The following GRAMD4 variants were observed in gnomAD, a reference collection of about 807,000 sequenced individuals.
GRAMD4 encodes the protein GRAM domain-containing protein 4.
In GRAMD4, 25 loss-of-function variants were observed where a neutral mutation model predicts 83.9. The ratio of observed to expected loss-of-function variants is 0.30; its 90% CI spans 0.22 to 0.42. GRAMD4 has a LOEUF of 0.42. GRAMD4 is among the 10% of genes least tolerant of loss of function. The pLI, the probability that GRAMD4 is intolerant of heterozygous loss-of-function variation, is 1.00. For missense variants in GRAMD4, 593 were observed against 788.7 expected, an observed-to-expected ratio of 0.75 and a Z score of 2.97; for synonymous variants, 336 against 320.9, an observed-to-expected ratio of 1.05 and a Z score of -0.50.
chr22:46,580,547 C>T (rs6008921), intron 1 of GRAMD4, among the ~76,000 whole-genome samples: 4,054 of 152,286 alleles, frequency 0.027, 201 homozygotes, highest in African/African-American at 0.093. Context: ...CCCAGCCCAG[C>T]GGGTGGGGCC....
intron 2 of GRAMD4, 152 bp downstream of exon 2, chr22:46,627,113 C>A: frequency 1.6e-6 from 1 of 608,560 alleles, no homozygotes; most frequent in Non-Finnish European, 2.9e-6. Context: ...GCTCCCGACC[C>A]CTGCAGACCT....
At chr22:46,626,519 G>GGC (rs1300903177) in intron 1 of GRAMD4, among the ~76,000 whole-genome samples, 1 of 152,236 alleles carries the variant, frequency 6.6e-6, no homozygotes, top group Non-Finnish European at 1.5e-5. Flanking sequence ...ATGGGTGCAG[G>GGC]GCGGGGGTCT....
At chr22:46,675,933 G>A (rs576313790) in intron 17 of GRAMD4, among the ~76,000 whole-genome samples, 24 of 152,318 alleles carry the variant, frequency 1.6e-4, no homozygotes, top group South Asian at 6.2e-4. Flanking sequence ...GGTCGCGCCC[G>A]CTCTGGGCAT....
chr22:46,677,117 T>C, intron 18 of GRAMD4, 30 bp from the exon 19 acceptor site: 5 of 1,610,170 alleles, frequency 3.1e-6, no homozygotes, highest in Non-Finnish European at 4.2e-6. Flanking sequence ...GGCTGTGCCA[T>C]GCTCACTGGT....
intron 1 of GRAMD4, among the ~76,000 whole-genome samples, chr22:46,598,201 C>T (rs764457550): frequency 2.6e-5 from 4 of 152,056 alleles, no homozygotes; most frequent in Non-Finnish European, 5.9e-5. Flanking sequence ...AGGCTGGTCT[C>T]AAACTCCTGG....
intron 16 of GRAMD4, among the ~76,000 whole-genome samples, chr22:46,674,972 G>A (rs538568329): frequency 2.0e-5 from 3 of 152,332 alleles, no homozygotes; most frequent in South Asian, 2.1e-4. Context: ...TCAGGCTGGC[G>A]GGGATGCTGT....
chr22:46,666,768 C>T, intron 9 of GRAMD4, 57 bp from the exon 10 acceptor site: 1 of 1,454,882 alleles, frequency 6.9e-7, no homozygotes, highest in Non-Finnish European at 9.7e-7. Flanking sequence ...CGATTCGATG[C>T]CTTCCCCTGA....
intron 1 of GRAMD4, among the ~76,000 whole-genome samples, chr22:46,597,731 T>C (rs1233421737): frequency 1.3e-5 from 2 of 152,212 alleles, no homozygotes; most frequent in Non-Finnish European, 2.9e-5. Context: ...CCTCGTGATC[T>C]GCCCGCTTCG....
At chr22:46,576,593 G>A (rs2081044037), upstream of GRAMD4, among the ~76,000 whole-genome samples, 1 of 152,210 alleles carries the variant, frequency 6.6e-6, no homozygotes, top group African/African-American at 2.4e-5. Context: ...AGTCTAGCGG[G>A]GTTCGTGCTG....
In GRAMD4 at chr22:46,663,164, C is replaced by T. The variant is rs1221162546; in HGVS notation, c.591C>T (p.Ser197=). ...CTGTGGAGACAGAGGAACCCCTGAG[C>T]GCCCGCAGGTAGGGGTTCGCCGAGC... ...ENTVETEEPL[S]ARRLTENMRR... Residue 197 remains serine, a synonymous_variant, in exon 6 of 19, where the codon AGC becomes AGT. Coordinates refer to ENST00000406902, the MANE Select transcript of GRAMD4 (RefSeq NM_015124.5). 1.9e-5 allele frequency: 30 copies of T among 1,610,940 alleles called. No individual in the cohort carries two copies. The East Asian group carries it at 5.1e-4, about 28-fold the overall frequency.
At chr22:46,582,736 G>A (rs1033645437) in intron 1 of GRAMD4, among the ~76,000 whole-genome samples, 6 of 152,250 alleles carry the variant, frequency 3.9e-5, no homozygotes, top group South Asian at 4.1e-4. Context: ...GTTTGTCAGC[G>A]TCTTTATTGA....
At chr22:46,629,662 G>A (rs1461131402) in intron 2 of GRAMD4, among the ~76,000 whole-genome samples, 5 of 152,180 alleles carry the variant, frequency 3.3e-5, no homozygotes, top group Admixed American at 6.5e-5. Context: ...TATTCCCACC[G>A]GGTATACAGT....
intron 3 of GRAMD4, among the ~76,000 whole-genome samples, chr22:46,646,628 T>C (rs1601626955): frequency 6.6e-6 from 1 of 152,192 alleles, no homozygotes; most frequent in South Asian, 2.1e-4. Flanking sequence ...CAGGCTTAGG[T>C]GTGGGGTTGA....
intron 1 of GRAMD4, among the ~76,000 whole-genome samples, chr22:46,596,902 C>T (rs1233307215): frequency 6.6e-6 from 1 of 152,106 alleles, no homozygotes; most frequent in African/African-American, 2.4e-5. Flanking sequence ...GCCTTTTTTC[C>T]ACCTGTCACT....
chr22:46,605,360 A>G (rs1883191), intron 1 of GRAMD4, among the ~76,000 whole-genome samples: 115,800 of 152,204 alleles, frequency 0.76, 45,779 homozygotes, highest in East Asian at 1. Flanking sequence ...CTGTTCATGA[A>G]CACTTAGGTT....
chr22:46,615,764 T>G (rs147827039), upstream of GRAMD4, among the ~76,000 whole-genome samples: 179 of 2,012 alleles, frequency 0.089, 43 homozygotes, highest in African/African-American at 0.23. Flanking sequence ...AGGTTCCCCC[T>G]TGTGTAGGTT....
At position 46,677,659 on chromosome 22, in the gene GRAMD4, C is replaced by T. The variant is rs914732280; in HGVS notation, c.*408C>T. On this transcript the variant is annotated 3_prime_UTR_variant, in exon 19 of 19. Coordinates refer to ENST00000406902, the MANE Select transcript of GRAMD4 (RefSeq NM_015124.5). Reference sequence around the variant, plus strand: ...TCTCCAGAGGCCAGAAGCTCGTCCACCACCAAAGCCATAGCTGAAGAGTGC... The same window carrying T: ...TCTCCAGAGGCCAGAAGCTCGTCCATCACCAAAGCCATAGCTGAAGAGTGC... 3 of 996,094 alleles carry T rather than the reference C, an allele frequency of 3.0e-6. No individual in the cohort carries two copies. The highest frequency in any genetic ancestry group is 3.5e-5 in the African/African-American group (2 of 57,716). The allele number at this position is 996,094 out of a possible 1,614,324, so 61.7% of individuals were successfully genotyped here. A position where few individuals can be genotyped will look rare whatever the true frequency, so the allele number is the denominator to read the frequency against.
rs1391802335 is a variant in GRAMD4, at chr22:46,676,643, C to T, written c.1607C>T (p.Ala536Val). 2 of 1,548,912 alleles carry T rather than the reference C, an allele frequency of 1.3e-6. No homozygotes were observed. Among genetic ancestry groups the T allele is most frequent in the Non-Finnish European group, 1.7e-6 (2 of 1,146,952 alleles). Residue 536 changes from alanine (A) to valine (V), a missense_variant, in exon 18 of 19, where the codon GCC becomes GTC. Coordinates refer to ENST00000406902, the MANE Select transcript of GRAMD4 (RefSeq NM_015124.5). ...SVLPGSGMGIAVSTPSTQKPL... is the reference protein window; with the variant it reads ...SVLPGSGMGIVVSTPSTQKPL... Reference sequence around the variant, plus strand: ...CTCCCAGGCTCAGGCATGGGGATTGCCGTGTCGACGCCATCCACCCAGAAA... The same window carrying T: ...CTCCCAGGCTCAGGCATGGGGATTGTCGTGTCGACGCCATCCACCCAGAAA...
intron 4 of GRAMD4, among the ~76,000 whole-genome samples, chr22:46,658,521 T>C (rs111236474): frequency 5.3e-4 from 80 of 152,134 alleles, no homozygotes; most frequent in African/African-American, 1.8e-3. Flanking sequence ...TGTGTCATCT[T>C]CCTGTGCCTC....
Sources: allele counts gnomAD v4.1 joint callset (sites outside exome capture counted in the v4.1 genomes callset), GRCh38; gene constraint gnomAD v4.1.1; transcripts MANE v1.5; gene names NCBI Gene and HGNC (gene_info 2026-07-23, HGNC 2026-07-21).